The following WEE1 variants were observed in gnomAD, a reference collection of about 807,000 sequenced individuals.
WEE1 encodes WEE1 G2 checkpoint kinase.
In WEE1, 16 loss-of-function variants were observed where a neutral mutation model predicts 68.8. That is an observed-to-expected ratio of 0.23 (90% CI 0.16 to 0.35). The LOEUF (loss-of-function observed/expected upper bound fraction) is 0.35. Ranked by LOEUF, WEE1 falls within the 10% of genes least tolerant of loss-of-function variation. WEE1 has a pLI of 1.00. For synonymous variants in WEE1, 349 were observed against 318.7 expected (o/e 1.09, Z -1.01); for missense variants, 651 against 824.1 (o/e 0.79, Z 2.57).
chr11:9,588,626 T>A lies in WEE1; in HGVS notation c.*24T>A. 1 of 1,502,342 alleles carries A rather than the reference T, an allele frequency of 6.7e-7. No individual in the cohort carries two copies. The allele number at this position is 1,502,342 out of a possible 1,614,324, so 93.1% of individuals were successfully genotyped here. The stretch of plus-strand genomic sequence containing the variant: ...GAGCTACTCCTTTCCCACCTCCCCC[T>A]GAACACTGTGACAAGAGGAAGCTAG... On this transcript the variant is annotated 3_prime_UTR_variant, in exon 11 of 11. Transcript: ENST00000450114.
Position 9,573,918 on chromosome 11 carries a change from C to A in WEE1, c.-16C>A, listed in dbSNP as rs765183972. On this transcript the variant is annotated 5_prime_UTR_variant, in exon 1 of 11. Coordinates refer to ENST00000450114, the MANE Select transcript of WEE1 (RefSeq NM_003390.4). ...GCCTCCGCTCTCCTGTCCTCGGCCC[C>A]GTCCCCAGGGCCGCGATGAGCTTCC... The A allele has an allele frequency of 1.3e-3, 1,571 of 1,256,596 alleles. 4 individuals are homozygous for A. Among genetic ancestry groups the A allele is most frequent in the Non-Finnish European group, 1.5e-3 (1,458 of 1,002,152 alleles). The allele number at this position is 1,256,596 out of a possible 1,614,324, so 77.8% of individuals were successfully genotyped here. A position where few individuals can be genotyped will look rare whatever the true frequency, so the allele number is the denominator to read the frequency against.
chr11:9,579,671 CT>C (rs1849603864), intron 5 of WEE1: 1 of 152,160 alleles, frequency 6.6e-6, no homozygotes, highest in African/African-American at 2.4e-5. Flanking sequence ...TAGCCATATT[CT>C]TTCTTAGCAC....
chr11:9,577,279 G>A lies in WEE1; in HGVS notation c.1141+16G>A, dbSNP rs1849574400. ...TATTGTAATGGTGAGTGATGTAATG[G>A]TTTTCTTGTGAGCTTGAGAAAATGA... On this transcript the variant is annotated intron_variant, in intron 5 of 10. Transcript: ENST00000450114. The A allele has an allele frequency of 8.7e-6, 14 of 1,605,068 alleles. No individual in the cohort carries two copies. Among genetic ancestry groups the A allele is most frequent in the Non-Finnish European group, 1.1e-5 (13 of 1,176,704 alleles).
intron 7 of WEE1, 31 bp downstream of exon 7, chr11:9,585,384 G>T: frequency 6.2e-7 from 1 of 1,608,514 alleles, no homozygotes; most frequent in Non-Finnish European, 8.5e-7. Context: ...ATTACCTTCA[G>T]ATAAAGAGAA....
chr11:9,576,395 T>C lies in WEE1; in HGVS notation c.847-92T>C. 6.4e-7 allele frequency: 1 copy of C among 1,554,850 alleles called. No individual in the cohort carries two copies. Among genetic ancestry groups the C allele is most frequent in the East Asian group, 2.3e-5 (1 of 43,970 alleles). On this transcript the variant is annotated intron_variant, in intron 3 of 10. Transcript: ENST00000450114. The surrounding 1 kb of genome is among the most constrained non-coding windows in gnomAD (Gnocchi z 4.3). ...GCATTAACACATAAGGTAGAATGGT[T>C]TTTAAATTTCACACATAGCCCTATC...
rs2134336385 is a variant in WEE1, at chr11:9,573,678, A to G, written c.-256A>G. ...CGGTCGCGGGAAGCCGCGGAGCCCG[A>G]ACCTGAGACTGGACCTGAGGAGACC... is the stretch of plus-strand genomic sequence containing the variant. On this transcript the variant is annotated 5_prime_UTR_variant, in exon 1 of 11. Coordinates refer to ENST00000450114, the MANE Select transcript of WEE1 (RefSeq NM_003390.4). 5.8e-6 allele frequency: 1 copy of G among 171,466 alleles called. No individual in the cohort carries two copies. The highest frequency in any genetic ancestry group is 2.6e-3 in the Middle Eastern group (1 of 388). The allele number at this position is 171,466 out of a possible 1,614,324, so 10.6% of individuals were successfully genotyped here. A position where few individuals can be genotyped will look rare whatever the true frequency, so the allele number is the denominator to read the frequency against.
rs930730465 is a variant in WEE1 at position 9,574,574 on chromosome 11, G to T, written c.576+65G>T. 6.3e-5 allele frequency: 72 copies of T among 1,151,356 alleles called. No homozygotes were observed. The highest frequency in any genetic ancestry group is 6.9e-5 in the Non-Finnish European group (65 of 937,972). 71.3% of individuals were successfully genotyped at this position (1,151,356 alleles called of 1,614,324 possible). A position where few individuals can be genotyped will look rare whatever the true frequency, so the allele number is the denominator to read the frequency against. The stretch of plus-strand genomic sequence containing the variant: ...CGGCGCCGGAGGGGCCAGCGCCGCT[G>T]CCTGGGTTCGGTTACAGAAGCGGCC... On this transcript the variant is annotated intron_variant, in intron 1 of 10. Coordinates refer to ENST00000450114, the MANE Select transcript of WEE1 (RefSeq NM_003390.4). The surrounding 1 kb of genome is among the most constrained non-coding windows in gnomAD (Gnocchi z 4.9).
intron 1 of WEE1, chr11:9,575,568 G>A (rs942998870): frequency 5.7e-6 from 2 of 348,484 alleles, no homozygotes; most frequent in African/African-American, 2.2e-5. Flanking sequence ...CTCTCGGACT[G>A]CTTTCTATTT....
intron 6 of WEE1, among the ~76,000 whole-genome samples, chr11:9,582,701 G>C (rs1849641480): frequency 6.6e-6 from 1 of 151,990 alleles, no homozygotes; most frequent in African/African-American, 2.4e-5. Context: ...CGAGTAGCTG[G>C]GATTACAGGC....
At position 9,588,854 on chromosome 11, in the gene WEE1, C is replaced by A. The variant is rs1411744077; in HGVS notation, c.*252C>A. The A allele has an allele frequency of 1.8e-6, 2 of 1,083,742 alleles. No homozygotes were observed. Among genetic ancestry groups the A allele is most frequent in the East Asian group, 1.2e-4 (2 of 16,252 alleles). The allele number at this position is 1,083,742 out of a possible 1,614,324, so 67.1% of individuals were successfully genotyped here. The stretch of plus-strand genomic sequence containing the variant: ...TTACACCAGCCTTTCCAGGGTTAAC[C>A]ACTGTGGTGGTGTGCTGCTTATAGT... On this transcript the variant is annotated 3_prime_UTR_variant, in exon 11 of 11. Transcript: ENST00000450114.
In WEE1 at chr11:9,577,217, G is replaced by C. The variant is rs374597379; in HGVS notation, c.1095G>C (p.Ala365=). The change falls in exon 5 of 11, where the codon GCG becomes GCC. Residue 365 remains alanine (A), a synonymous_variant. Transcript: ENST00000450114. The part of the protein sequence containing the change: ...QHSHVVRYFS[A]WAEDDHMLIQ... Reference sequence around the variant, plus strand: ...CTCATGTAGTTCGATATTTCTCTGCGTGGGCAGAAGATGATCATATGCTTA... The same window carrying C: ...CTCATGTAGTTCGATATTTCTCTGCCTGGGCAGAAGATGATCATATGCTTA... 25 of 1,613,856 alleles carry C rather than the reference G, an allele frequency of 1.5e-5. No homozygotes were observed. The East Asian group carries it at 5.6e-4, about 36-fold the overall frequency.
chr11:9,576,773 G>A lies in WEE1; in HGVS notation c.1019+114G>A, dbSNP rs1234805302. ...TCTCTAACTTTTGAGAAGCTGTAAT[G>A]ATTTAATCAGGTCCTTTTCACTTAA... On this transcript the variant is annotated intron_variant, in intron 4 of 10. Coordinates refer to ENST00000450114, the MANE Select transcript of WEE1 (RefSeq NM_003390.4). This position sits in a 1 kb window ranked among gnomAD's most constrained non-coding sequence, Gnocchi z 4.3. 2.7e-6 allele frequency: 3 copies of A among 1,121,948 alleles called. No individual in the cohort carries two copies. Among genetic ancestry groups the A allele is most frequent in the Non-Finnish European group, 2.5e-6 (2 of 794,426 alleles). The allele number at this position is 1,121,948 out of a possible 1,614,324, so 69.5% of individuals were successfully genotyped here. A position where few individuals can be genotyped will look rare whatever the true frequency, so the allele number is the denominator to read the frequency against.
intron 5 of WEE1, chr11:9,577,823 T>C (rs1299707989): frequency 2.2e-6 from 1 of 451,732 alleles, no homozygotes; most frequent in Non-Finnish European, 4.4e-6. Context: ...CTCTCCCTCC[T>C]CTCCCCTAAG....
chr11:9,574,614 C>G lies in WEE1; in HGVS notation c.576+105C>G. The G allele has an allele frequency of 1.8e-6, 2 of 1,120,432 alleles. No individual in the cohort carries two copies. The highest frequency in any genetic ancestry group is 2.2e-6 in the Non-Finnish European group (2 of 917,526). The allele number at this position is 1,120,432 out of a possible 1,614,324, so 69.4% of individuals were successfully genotyped here. On this transcript the variant is annotated intron_variant, in intron 1 of 10. Coordinates refer to ENST00000450114, the MANE Select transcript of WEE1 (RefSeq NM_003390.4). The surrounding 1 kb of genome is among the most constrained non-coding windows in gnomAD (Gnocchi z 4.9). ...CAGAAGCGGCCGGCCGCTCCCCCCT[C>G]GCTTTCCTGCGCCGCCCCCCAAAGT...
intron 6 of WEE1, among the ~76,000 whole-genome samples, chr11:9,584,267 C>A (rs1849676722): frequency 6.6e-6 from 1 of 152,116 alleles, no homozygotes; most frequent in Non-Finnish European, 1.5e-5. Flanking sequence ...TCACAAGTAG[C>A]TGGGACTACA....
At chr11:9,577,787 A>C (rs779121809) in intron 5 of WEE1, 1 of 443,108 alleles carries the variant, frequency 2.3e-6, no homozygotes, top group East Asian at 7.1e-5. Flanking sequence ...ATTATGTTAC[A>C]TTCTTTTAGT....
In WEE1 at chr11:9,588,783, C is replaced by G; in HGVS notation, c.*181C>G. 4.0e-6 allele frequency: 5 copies of G among 1,236,000 alleles called. No individual in the cohort carries two copies. The highest frequency in any genetic ancestry group is 5.1e-6 in the Non-Finnish European group (5 of 983,758). The allele number at this position is 1,236,000 out of a possible 1,614,324, so 76.6% of individuals were successfully genotyped here. A position where few individuals can be genotyped will look rare whatever the true frequency, so the allele number is the denominator to read the frequency against. On this transcript the variant is annotated 3_prime_UTR_variant, in exon 11 of 11. Coordinates refer to ENST00000450114, the MANE Select transcript of WEE1 (RefSeq NM_003390.4). ...GATGATTGCTATGTCAGGCTTTCATCTAATCTTACCAGTCTGTCTTCTGTA... is the reference window on the plus strand; with the variant it reads ...GATGATTGCTATGTCAGGCTTTCATGTAATCTTACCAGTCTGTCTTCTGTA...
chr11:9,574,366 G>A lies in WEE1; in HGVS notation c.433G>A (p.Gly145Ser). 2.4e-6 allele frequency: 3 copies of A among 1,233,832 alleles called. No homozygotes were observed. The highest frequency in any genetic ancestry group is 3.4e-5 in the East Asian group (1 of 29,114). The allele number at this position is 1,233,832 out of a possible 1,614,324, so 76.4% of individuals were successfully genotyped here. Residue 145 changes from glycine (G) to serine (S), a missense_variant, in exon 1 of 11, where the codon GGC (glycine) becomes AGC (serine). This residue lies in a region of WEE1 where 395 missense variants were observed against 378.4 expected (regional missense o/e 1.04). Coordinates refer to ENST00000450114, the MANE Select transcript of WEE1 (RefSeq NM_003390.4). The surrounding 1 kb of genome is among the most constrained non-coding windows in gnomAD (Gnocchi z 4.9). ...GSSFSPVRCG[G>S]PGDASPRGCG... is the part of the protein sequence containing the mutation. ...CTCTTTCTCGCCGGTGCGCTGCGGCGGCCCAGGAGATGCGTCGCCGCGGGG... is the reference window on the plus strand; with the variant it reads ...CTCTTTCTCGCCGGTGCGCTGCGGCAGCCCAGGAGATGCGTCGCCGCGGGG...
Position 9,576,879 on chromosome 11 carries a change from C to T in WEE1, c.1019+220C>T, listed in dbSNP as rs1849569831. Among the ~76,000 whole-genome samples, 1 of 152,190 alleles carries T rather than the reference C, an allele frequency of 6.6e-6. No individual in the cohort carries two copies. Among genetic ancestry groups the T allele is most frequent in the African/African-American group, 2.4e-5 (1 of 41,440 alleles). On this transcript the variant is annotated intron_variant, in intron 4 of 10. Transcript: ENST00000450114. This position sits in a 1 kb window ranked among gnomAD's most constrained non-coding sequence, Gnocchi z 4.3. ...ACTTAAATTTCTTATTTCTAGTCAG[C>T]ATCCATGAATTCACAGTAAAATGGA...
Sources: gnomAD v4.1 joint callset for allele counts (sites outside exome capture counted in the v4.1 genomes callset) on GRCh38, gnomAD v4.1.1 for gene constraint, gnomAD v4.1.1 regional missense constraint, Gnocchi (gnomAD v3.1) non-coding constraint, MANE v1.5 for transcripts, NCBI Gene and HGNC (gene_info 2026-07-23, HGNC 2026-07-21) for gene names.